Variants in AGAP1 observed in about 807,000 individuals in gnomAD.
The protein encoded by AGAP1 is arf-GAP with GTPase, ANK repeat and PH domain-containing protein 1.
AGAP1 carries 29 observed loss-of-function variants against 105.3 expected under a neutral mutation model. The ratio of observed to expected loss-of-function variants is 0.28; its 90% confidence interval spans 0.21 to 0.38. The LOEUF is 0.38. Among genes scored for constraint, AGAP1 ranks in the 10% least tolerant of loss-of-function variants. AGAP1 has a pLI of 1.00. For synonymous variants in AGAP1, 509 were observed against 485.9 expected (o/e 1.05, Z -0.63); for missense variants, 998 against 1,165.1 (o/e 0.86, Z 2.09).
rs890909431 is a variant in AGAP1, at chr2:235,927,917, A to C, written c.1325-2848A>C. The stretch of plus-strand genomic sequence containing the variant: ...GACCTTGTGTGCCTAAAGCTGGTAT[A>C]AAATGAGGTCTGTGGACAGATGGCA... On this transcript the variant is annotated intron_variant, in intron 11 of 17. Transcript: ENST00000304032. This position sits in a 1 kb window ranked among gnomAD's most constrained non-coding sequence, Gnocchi z 4.4. Among the ~76,000 whole-genome samples the C allele has an allele frequency of 6.6e-6, 1 of 152,240 alleles. No homozygotes were observed. Among genetic ancestry groups the C allele is most frequent in the Non-Finnish European group, 1.5e-5 (1 of 68,038 alleles).
At chr2:236,100,952 A>G (rs2059331785) in intron 16 of AGAP1, among the ~76,000 whole-genome samples, 1 of 152,082 alleles carries the variant, frequency 6.6e-6, no homozygotes, top group South Asian at 2.1e-4. Flanking sequence ...CCTGGATGGA[A>G]TTCATCTTGG....
Position 236,076,695 on chromosome 2 carries a change from C to A in AGAP1, c.2114+27414C>A, listed in dbSNP as rs1372442049. On this transcript the variant is annotated intron_variant, in intron 16 of 17. Transcript: ENST00000304032. The surrounding 1 kb of genome is among the most constrained non-coding windows in gnomAD (Gnocchi z 4.4). ...TTCTTTGTGGCACTTAATAATTTCC[C>A]AAACCACTAAAGAGGGAAGCCCCAG... Among the ~76,000 whole-genome samples, 1 of 152,090 alleles carries A rather than the reference C, an allele frequency of 6.6e-6. No individual in the cohort carries two copies. Among genetic ancestry groups the A allele is most frequent in the Non-Finnish European group, 1.5e-5 (1 of 68,022 alleles).
At position 235,983,220 on chromosome 2, in the gene AGAP1, C is replaced by A. The variant is rs1478051414; in HGVS notation, c.1645+14597C>A. ...CCAGCAAGGGGAGCTGCAGGAGGGT[C>A]TCTTTACAGGTGTGCAAAGGACCAG... On this transcript the variant is annotated intron_variant, in intron 13 of 17. Transcript: ENST00000304032. This position sits in a 1 kb window ranked among gnomAD's most constrained non-coding sequence, Gnocchi z 4.5. Among the ~76,000 whole-genome samples the A allele has an allele frequency of 6.6e-6, 1 of 151,990 alleles. No homozygotes were observed. The highest frequency in any genetic ancestry group is 1.5e-5 in the Non-Finnish European group (1 of 67,992).
chr2:235,499,513 A>G (rs1188279633), intron 1 of AGAP1, among the ~76,000 whole-genome samples: 5 of 152,210 alleles, frequency 3.3e-5, no homozygotes, highest in South Asian at 2.1e-4. Flanking sequence ...CTCCTTAAAA[A>G]TAACACTCAG....
chr2:235,670,926 ACGGGGGCCCGGGCGG>A, intron 1 of AGAP1: 3 of 1,327,096 alleles, frequency 2.3e-6, no homozygotes, highest in Non-Finnish European at 2.9e-6. Context: ...GCGCGCAGGG[ACGGGGGCCCGGGCGG>A]CGGGCCCTCG....
At chr2:236,091,566 G>T (rs548804295) in intron 16 of AGAP1, among the ~76,000 whole-genome samples, 24 of 152,146 alleles carry the variant, frequency 1.6e-4, no homozygotes, top group Non-Finnish European at 2.6e-4. Context: ...AGCCACGAGA[G>T]TTCAAGACCT....
intron 16 of AGAP1, among the ~76,000 whole-genome samples, chr2:236,067,038 T>A (rs944643785): frequency 3.4e-5 from 5 of 145,964 alleles, no homozygotes; most frequent in African/African-American, 4.9e-5. Context: ...TTTTTTTTTT[T>A]ATCACTGAGA....
chr2:235,837,637 T>G lies in AGAP1; in HGVS notation c.1050+30306T>G, dbSNP rs545088656. 2.0e-5 allele frequency among the ~76,000 whole-genome samples: 3 copies of G among 152,248 alleles called. No individual in the cohort carries two copies. The East Asian group carries it at 5.8e-4, about 29-fold the overall frequency. On this transcript the variant is annotated intron_variant, in intron 9 of 17. Transcript: ENST00000304032. ...TTAATAAGATGATGGAGTCTACCAG[T>G]AAAGGAGGTGGCATATAACAACAGC...
intron 9 of AGAP1, among the ~76,000 whole-genome samples, chr2:235,861,435 G>A (rs1391325606): frequency 6.6e-6 from 1 of 152,172 alleles, no homozygotes; most frequent in Non-Finnish European, 1.5e-5. Flanking sequence ...TCCCTCATCA[G>A]GGAACACACT....
chr2:235,616,485 A>C (rs912717611), intron 1 of AGAP1, among the ~76,000 whole-genome samples: 3 of 152,224 alleles, frequency 2.0e-5, no homozygotes, highest in African/African-American at 7.2e-5. Context: ...GAAAAATGTA[A>C]ATTGAGATAG....
At chr2:235,676,750 T>G (rs1948757962) in intron 1 of AGAP1, among the ~76,000 whole-genome samples, 1 of 152,238 alleles carries the variant, frequency 6.6e-6, no homozygotes, top group Non-Finnish European at 1.5e-5. Context: ...TATTGTCAAT[T>G]TGTTTTCCTG....
intron 3 of AGAP1, among the ~76,000 whole-genome samples, chr2:235,731,730 A>T (rs1951958515): frequency 1.3e-5 from 2 of 152,188 alleles, no homozygotes; most frequent in African/African-American, 2.4e-5. Context: ...GACAGCCGAC[A>T]TGGATTAGCT....
intron 6 of AGAP1, among the ~76,000 whole-genome samples, chr2:235,765,823 T>TA (rs1954905974): frequency 6.6e-6 from 1 of 152,198 alleles, no homozygotes; most frequent in Admixed American, 6.5e-5. Context: ...GTCATCTGGG[T>TA]ACTGGGAAAT....
At chr2:235,711,492 G>GGCTCC (rs1950852432) in intron 2 of AGAP1, among the ~76,000 whole-genome samples, 1 of 152,210 alleles carries the variant, frequency 6.6e-6, no homozygotes, top group African/African-American at 2.4e-5. Flanking sequence ...AGGCAGCATG[G>GGCTCC]GCTCCTCATT....
rs562853580 is a variant in AGAP1, at chr2:236,040,285, G to A, written c.1801-466G>A. Among the ~76,000 whole-genome samples the A allele has an allele frequency of 3.3e-5, 5 of 152,238 alleles. No homozygotes were observed. The East Asian group carries it at 7.7e-4, about 24-fold the overall frequency. Reference sequence around the variant, plus strand: ...TGACATGTGCATCTCCCAGGGTGACGTGTGGTATGAATGGGGTTTTCTGAC... The same window carrying A: ...TGACATGTGCATCTCCCAGGGTGACATGTGGTATGAATGGGGTTTTCTGAC... On this transcript the variant is annotated intron_variant, in intron 14 of 17. Coordinates refer to ENST00000304032, the MANE Select transcript of AGAP1 (RefSeq NM_001037131.3). The surrounding 1 kb of genome is among the most constrained non-coding windows in gnomAD (Gnocchi z 5.6).
At chr2:235,761,828 C>T (rs1421850069) in intron 6 of AGAP1, among the ~76,000 whole-genome samples, 3 of 151,928 alleles carry the variant, frequency 2.0e-5, no homozygotes, top group Admixed American at 2.0e-4. Flanking sequence ...TGGACATAGG[C>T]CGGGCGCACA....
intron 2 of AGAP1, among the ~76,000 whole-genome samples, chr2:235,711,592 C>T (rs2149521852): frequency 6.6e-6 from 1 of 152,296 alleles, no homozygotes; most frequent in South Asian, 2.1e-4. Flanking sequence ...ACGGTCCTGT[C>T]CCTGGCCTGA....
chr2:235,840,798 T>G (rs1246553884), intron 9 of AGAP1, among the ~76,000 whole-genome samples: 1 of 150,872 alleles, frequency 6.6e-6, no homozygotes, highest in African/African-American at 2.4e-5. Flanking sequence ...TGAGGGACAC[T>G]TGTGCTGAAG....
intron 15 of AGAP1, among the ~76,000 whole-genome samples, chr2:236,041,831 A>G (rs2057557607): frequency 6.6e-6 from 1 of 152,202 alleles, no homozygotes; most frequent in Non-Finnish European, 1.5e-5. Flanking sequence ...GGGGAGAGCC[A>G]TCGGGGGCAT....
Sources: gnomAD v4.1 joint callset for allele counts (sites outside exome capture counted in the v4.1 genomes callset) on GRCh38, gnomAD v4.1.1 for gene constraint, Gnocchi (gnomAD v3.1) non-coding constraint, MANE v1.5 for transcripts, NCBI Gene and HGNC (gene_info 2026-07-23, HGNC 2026-07-21) for gene names.